The following SLC35F1 variants were observed in gnomAD, a reference collection of about 807,000 sequenced individuals.
The protein encoded by SLC35F1 is chromosome 6 open reading frame 169.
A neutral mutation model predicts 48.7 loss-of-function variants in SLC35F1; 14 were observed. That is an observed-to-expected ratio of 0.29 (90% CI 0.19 to 0.45). The LOEUF is 0.45. SLC35F1 is among the 20% of genes least tolerant of loss of function. SLC35F1 has a pLI of 1.00. For synonymous variants in SLC35F1, 190 were observed against 202.2 expected, an observed-to-expected ratio of 0.94 and a Z score of 0.51; for missense variants, 404 against 500.0, an observed-to-expected ratio of 0.81 and a Z score of 1.83.
intron 1 of SLC35F1, among the ~76,000 whole-genome samples, chr6:117,944,622 C>CACAG (rs1173628313): frequency 1.3e-5 from 2 of 151,210 alleles, no homozygotes; most frequent in Admixed American, 6.6e-5. Flanking sequence ...CACACACACA[C>CACAG]AGAATATATT....
At chr6:117,988,680 G>A (rs1457380191) in intron 1 of SLC35F1, among the ~76,000 whole-genome samples, 1 of 152,214 alleles carries the variant, frequency 6.6e-6, no homozygotes, top group Non-Finnish European at 1.5e-5. Context: ...GAATGTGCCA[G>A]CACAAAAAGT....
chr6:118,290,133 G>A (rs183949168), intron 7 of SLC35F1, among the ~76,000 whole-genome samples: 1 of 151,632 alleles, frequency 6.6e-6, no homozygotes, highest in East Asian at 1.9e-4. Context: ...GAATTCAGGT[G>A]TTATCTCTTT....
At chr6:118,000,827 C>G (rs1452847801) in intron 1 of SLC35F1, among the ~76,000 whole-genome samples, 1 of 152,194 alleles carries the variant, frequency 6.6e-6, no homozygotes, top group African/African-American at 2.4e-5. Context: ...AGAGCCAAAT[C>G]ATGAGTGAAC....
At chr6:118,077,589 C>T (rs1018272447) in intron 1 of SLC35F1, among the ~76,000 whole-genome samples, 2 of 152,114 alleles carry the variant, frequency 1.3e-5, no homozygotes, top group Non-Finnish European at 2.9e-5. Flanking sequence ...TCATAATATA[C>T]GTGTAAAGTA....
intron 1 of SLC35F1, among the ~76,000 whole-genome samples, chr6:117,963,347 G>GTT (rs397887556): frequency 1.1e-3 from 154 of 144,370 alleles, no homozygotes; most frequent in Admixed American, 6.0e-3. Flanking sequence ...TTATTTTATT[G>GTT]TTTTTTTTTT....
intron 2 of SLC35F1, among the ~76,000 whole-genome samples, chr6:118,186,456 A>G (rs1774658334): frequency 6.7e-6 from 1 of 148,930 alleles, no homozygotes; most frequent in African/African-American, 2.5e-5. Flanking sequence ...TATTTTATGC[A>G]TTGCCATAGC....
intron 1 of SLC35F1, among the ~76,000 whole-genome samples, chr6:117,981,048 A>G (rs920797017): frequency 1.3e-5 from 2 of 152,228 alleles, no homozygotes; most frequent in Non-Finnish European, 2.9e-5. Flanking sequence ...AAGGAGAGGA[A>G]GAGATGAGTT....
At position 118,154,464 on chromosome 6, in the gene SLC35F1, G is replaced by A; in HGVS notation, c.193G>A (p.Ala65Thr). The change falls in exon 2 of 8, where the codon GCC becomes ACC. Residue 65 changes from alanine to threonine, a missense_variant. Ala to Thr is a moderately conservative substitution (Grantham distance 58, BLOSUM62 0). This residue lies in a region of SLC35F1 where 306 missense variants were observed against 419.1 expected (regional missense o/e 0.73). Coordinates refer to ENST00000360388, the MANE Select transcript of SLC35F1 (RefSeq NM_001029858.4). ...VLNREMLISV[A>T]LGQVLSLLIC... The stretch of plus-strand genomic sequence containing the variant: ...TCTCAGGGAGATGTTAATCTCTGTG[G>A]CCCTAGGCCAGGTGTTATCCCTCCT... The A allele has an allele frequency of 6.2e-7, 1 of 1,612,052 alleles. No individual in the cohort carries two copies.
rs1029086149 is a variant in SLC35F1, at chr6:118,031,202, A to AT, written c.174-123235dup. 2.0e-5 allele frequency among the ~76,000 whole-genome samples: 3 copies of AT among 152,112 alleles called. No homozygotes were observed. The East Asian group carries it at 5.8e-4, about 29-fold the overall frequency. ...TGGAATGGACCTGTTCACTCTTAGT[A>AT]TTTTTTTTAAAGCCTGGTTTCTTTA... On this transcript the variant is annotated intron_variant, in intron 1 of 7. Transcript: ENST00000360388.
Position 118,285,354 on chromosome 6 carries a change from G to T in SLC35F1, c.1002+16G>T, listed in dbSNP as rs199868438. The T allele has an allele frequency of 1.8e-4, 297 of 1,613,490 alleles. 2 individuals are homozygous for T. In the South Asian group the frequency reaches 2.0e-3, roughly 11 times the overall value. On this transcript the variant is annotated intron_variant, in intron 7 of 7. Coordinates refer to ENST00000360388, the MANE Select transcript of SLC35F1 (RefSeq NM_001029858.4). ...CCACTACAAGGTAAGTTGAGTGAGT[G>T]CTCCTTTGTGAAGATGATACTTTGT... is the stretch of plus-strand genomic sequence containing the variant.
Position 118,068,898 on chromosome 6 carries a change from C to T in SLC35F1, c.174-85547C>T, listed in dbSNP as rs111626897. ...CAAATTCCATTATTTTCTCTTTGAA[C>T]AAGGCTTCAAGGTCACTATTTTAAG... On this transcript the variant is annotated intron_variant, in intron 1 of 7. Coordinates refer to ENST00000360388, the MANE Select transcript of SLC35F1 (RefSeq NM_001029858.4). Among the ~76,000 whole-genome samples the T allele has an allele frequency of 3.1e-3, 473 of 152,120 alleles. 5 individuals carry two copies. The highest frequency in any genetic ancestry group is 0.011 in the African/African-American group (463 of 41,520).
chr6:118,166,920 G>A (rs1017219970), intron 2 of SLC35F1, among the ~76,000 whole-genome samples: 6 of 152,088 alleles, frequency 3.9e-5, no homozygotes, highest in Admixed American at 1.3e-4. Flanking sequence ...TTTTAGTTCT[G>A]CCCATGATTA....
chr6:118,144,100 G>A (rs1301917080), intron 1 of SLC35F1, among the ~76,000 whole-genome samples: 1 of 152,014 alleles, frequency 6.6e-6, no homozygotes, highest in Non-Finnish European at 1.5e-5. Flanking sequence ...TATACCCAAA[G>A]GAATATAAAT....
chr6:118,055,018 G>A (rs775541288), intron 1 of SLC35F1, among the ~76,000 whole-genome samples: 10 of 152,060 alleles, frequency 6.6e-5, no homozygotes, highest in African/African-American at 1.7e-4. Context: ...CGCGTGATCC[G>A]CCTGCCTCGG....
chr6:118,114,577 C>G (rs34224486), intron 1 of SLC35F1, among the ~76,000 whole-genome samples: 6,303 of 152,046 alleles, frequency 0.041, 191 homozygotes, highest in Middle Eastern at 0.068. Flanking sequence ...GGGCTTTCCT[C>G]GTGTTAGCCA....
intron 1 of SLC35F1, among the ~76,000 whole-genome samples, chr6:117,923,046 A>T (rs1775920601): frequency 6.6e-6 from 1 of 152,190 alleles, no homozygotes; most frequent in South Asian, 2.1e-4. Flanking sequence ...TCAGAGGCAC[A>T]CTGGTCAATA....
intron 1 of SLC35F1, among the ~76,000 whole-genome samples, chr6:118,139,329 G>A (rs959853356): frequency 3.4e-4 from 51 of 152,124 alleles, no homozygotes; most frequent in Non-Finnish European, 6.5e-4. Context: ...AGCCAGGATG[G>A]TCTCGATCTC....
intron 2 of SLC35F1, among the ~76,000 whole-genome samples, chr6:118,216,943 T>C (rs1395355936): frequency 6.6e-6 from 1 of 152,174 alleles, no homozygotes; most frequent in Non-Finnish European, 1.5e-5. Flanking sequence ...TTGAGTTAGA[T>C]TCCAGCGTGA....
chr6:118,145,786 T>A (rs993067109), intron 1 of SLC35F1, among the ~76,000 whole-genome samples: 2 of 152,172 alleles, frequency 1.3e-5, no homozygotes, highest in Admixed American at 1.3e-4. Context: ...GTGGGGAGGT[T>A]ACATTTAAAG....
Sources: gnomAD v4.1 joint callset for allele counts (sites outside exome capture counted in the v4.1 genomes callset) on GRCh38, gnomAD v4.1.1 for gene constraint, gnomAD v4.1.1 regional missense constraint, MANE v1.5 for transcripts, NCBI Gene and HGNC (gene_info 2026-07-23, HGNC 2026-07-21) for gene names.